PLA2G2E: variants seen among roughly 807,000 people sequenced by gnomAD.
PLA2G2E encodes the protein group IIE secretory phospholipase A2.
Under a neutral mutation model 16.5 loss-of-function variants are expected in PLA2G2E, and 14 were observed. The ratio of observed to expected loss-of-function variants is 0.85; its 90% confidence interval spans 0.56 to 1.33. The LOEUF (loss-of-function observed/expected upper bound fraction) is 1.33. Among genes scored for constraint, PLA2G2E ranks in the 40% most tolerant of loss-of-function variants. The pLI is 0.00. For synonymous variants in PLA2G2E, 72 were observed against 77.2 expected, an observed-to-expected ratio of 0.93 and a Z score of 0.36; for missense variants, 174 against 190.7, an observed-to-expected ratio of 0.91 and a Z score of 0.52.
In PLA2G2E at chr1:19,920,328, G is replaced by A. The variant is rs1006006207; in HGVS notation, c.408C>T (p.Thr136=). The A allele has an allele frequency of 1.2e-5, 19 of 1,612,658 alleles. No homozygotes were observed. The highest frequency in any genetic ancestry group is 4.5e-5 in the East Asian group (2 of 44,886). The part of the protein sequence containing the change: ...KYAHYPNKLC[T]GPTPPC ...AGCCTCAGCAGGGCGGGGTGGGCCC[G>A]GTGCACAGCTTGTTGGGATAATGGG... Residue 136 remains threonine (T), a synonymous_variant, in exon 4 of 4, where the codon ACC becomes ACT. Transcript: ENST00000375116. The surrounding 1 kb of genome is among the most constrained non-coding windows in gnomAD (Gnocchi z 4.3).
chr1:19,922,495 A>G (rs1420390497), intron 2 of PLA2G2E, 91 bp from the exon 3 acceptor site: 9 of 1,545,334 alleles, frequency 5.8e-6, no homozygotes, highest in Admixed American at 3.6e-5. Flanking sequence ...AAAGCAGCCC[A>G]GAGGAGAGAT....
Position 19,920,247 on chromosome 1 carries a change from C to A in PLA2G2E, c.*60G>T. ...CCTTTGGTGCCAATGTTCCCCAGGC[C>A]TGGGACTACAGCAGCCCGAGGCGGG... On this transcript the variant is annotated 3_prime_UTR_variant, in exon 4 of 4. Coordinates refer to ENST00000375116, the MANE Select transcript of PLA2G2E (RefSeq NM_014589.3). This position sits in a 1 kb window ranked among gnomAD's most constrained non-coding sequence, Gnocchi z 4.3. 1 of 1,509,846 alleles carries A rather than the reference C, an allele frequency of 6.6e-7. No individual in the cohort carries two copies. The highest frequency in any genetic ancestry group is 9.1e-7 in the Non-Finnish European group (1 of 1,104,632). 93.5% of individuals were successfully genotyped at this position (1,509,846 alleles called of 1,614,324 possible). A position where few individuals can be genotyped will look rare whatever the true frequency, so the allele number is the denominator to read the frequency against.
intron 3 of PLA2G2E, among the ~76,000 whole-genome samples, chr1:19,921,015 A>C (rs574211081): frequency 5.3e-5 from 8 of 152,196 alleles, no homozygotes; most frequent in Non-Finnish European, 1.0e-4. Context: ...TCAGACTTCT[A>C]CCCTGACCTG....
intron 3 of PLA2G2E, 112 bp downstream of exon 3, chr1:19,922,186 G>C: frequency 1.4e-6 from 1 of 700,888 alleles, no homozygotes; most frequent in Non-Finnish European, 2.5e-6. Context: ...TCCAGCCCAG[G>C]GTCTGGCTCT....
intron 1 of PLA2G2E, 36 bp from the exon 2 acceptor site, chr1:19,922,791 C>T (rs979916079): frequency 6.7e-7 from 1 of 1,499,936 alleles, no homozygotes; most frequent in Non-Finnish European, 9.2e-7. Context: ...GAGGGAGGGC[C>T]CCACCCTCTG....
chr1:19,922,810 T>G, intron 1 of PLA2G2E, 55 bp from the exon 2 acceptor site: 2 of 1,578,124 alleles, frequency 1.3e-6, no homozygotes, highest in Non-Finnish European at 8.7e-7. Context: ...TGCAGCCAAC[T>G]TCCCCTGATG....
In PLA2G2E at chr1:19,920,743, T is replaced by G. The variant is rs529801021; in HGVS notation, c.287-294A>C. Among the ~76,000 whole-genome samples, 5 of 152,192 alleles carry G rather than the reference T, an allele frequency of 3.3e-5. No individual in the cohort carries two copies. The highest frequency in any genetic ancestry group is 2.0e-4 in the Admixed American group (3 of 15,298). ...TAGGGACACCACGTGGTTCCCTAACTCTCACTGCCCCCGACCAGGGGGATT... is the reference window on the plus strand; with the variant it reads ...TAGGGACACCACGTGGTTCCCTAACGCTCACTGCCCCCGACCAGGGGGATT... On this transcript the variant is annotated intron_variant, in intron 3 of 3. Coordinates refer to ENST00000375116, the MANE Select transcript of PLA2G2E (RefSeq NM_014589.3). The surrounding 1 kb of genome is among the most constrained non-coding windows in gnomAD (Gnocchi z 4.3).
At chr1:19,922,111 C>T (rs777826318) in intron 3 of PLA2G2E, among the ~76,000 whole-genome samples, 187 bp downstream of exon 3, 5 of 152,168 alleles carry the variant, frequency 3.3e-5, no homozygotes, top group Non-Finnish European at 5.9e-5. Flanking sequence ...ACGGGCTTCT[C>T]TGGCCTGGGT....
chr1:19,921,755 T>C (rs2045818103), intron 3 of PLA2G2E, among the ~76,000 whole-genome samples: 2 of 152,170 alleles, frequency 1.3e-5, no homozygotes, highest in Admixed American at 1.3e-4. Context: ...CCCTCGACAG[T>C]CTCACTTGGT....
rs527269787 is a variant in PLA2G2E, at chr1:19,920,043, G to A, written c.*264C>T. Reference sequence around the variant, plus strand: ...AACATTATTCACTTATTCAGAAGAGGGAGCTGAGATCCCAGAAGCTAGTGA... The same window carrying A: ...AACATTATTCACTTATTCAGAAGAGAGAGCTGAGATCCCAGAAGCTAGTGA... On this transcript the variant is annotated 3_prime_UTR_variant, in exon 4 of 4. Coordinates refer to ENST00000375116, the MANE Select transcript of PLA2G2E (RefSeq NM_014589.3). This position sits in a 1 kb window ranked among gnomAD's most constrained non-coding sequence, Gnocchi z 4.3. The A allele has an allele frequency of 6.3e-5, 26 of 415,052 alleles. 1 individual carries two copies. The East Asian group carries it at 9.6e-4, about 15-fold the overall frequency. The allele number at this position is 415,052 out of a possible 1,614,324, so 25.7% of individuals were successfully genotyped here.
chr1:19,923,485 G>A, intron 1 of PLA2G2E, 35 bp downstream of exon 1: 5 of 1,536,374 alleles, frequency 3.3e-6, no homozygotes, highest in Non-Finnish European at 4.4e-6. Context: ...GTTGCCAGAT[G>A]GGGCAGAAGG....
chr1:19,922,745 G>A lies in PLA2G2E; in HGVS notation c.51C>T (p.Val17=). The part of the protein sequence containing the change: ...LVFLCLLVAL[V]TGNLVQFGVM... The stretch of plus-strand genomic sequence containing the variant: ...CCCCAAACTGAACCAGGTTCCCGGT[G>A]ACCAGAGCCACTGCAGAGAGGGAGA... Residue 17 remains valine (V), a synonymous_variant, in exon 2 of 4, where the codon GTC becomes GTT. Coordinates refer to ENST00000375116, the MANE Select transcript of PLA2G2E (RefSeq NM_014589.3). The A allele has an allele frequency of 6.2e-7, 1 of 1,613,258 alleles. No homozygotes were observed. Among genetic ancestry groups the A allele is most frequent in the Non-Finnish European group, 8.5e-7 (1 of 1,179,960 alleles).
intron 3 of PLA2G2E, among the ~76,000 whole-genome samples, chr1:19,921,147 T>C (rs2045810984): frequency 6.6e-6 from 1 of 152,214 alleles, no homozygotes; most frequent in Admixed American, 6.5e-5. Context: ...TCCCCATGAC[T>C]GTATCTCACA....
rs1201160493 is a variant in PLA2G2E, at chr1:19,923,519, C to T, written c.40+1G>A. On this transcript the variant is annotated splice_donor_variant, in intron 1 of 3. Transcript: ENST00000375116. LOFTEE classifies it high-confidence loss of function. ...GGCTGAAGGTCACAAAGATCACTTA[C>T]CCAGGAGGCAAAGGAACACCAGCAC... is the stretch of plus-strand genomic sequence containing the variant. The T allele has an allele frequency of 6.5e-7, 1 of 1,548,858 alleles. No homozygotes were observed. Among genetic ancestry groups the T allele is most frequent in the African/African-American group, 1.4e-5 (1 of 73,076 alleles).
intron 1 of PLA2G2E, among the ~76,000 whole-genome samples, chr1:19,923,279 C>A (rs970062698): frequency 1.3e-5 from 2 of 152,186 alleles, no homozygotes; most frequent in Non-Finnish European, 2.9e-5. Context: ...GTGTGCCATC[C>A]GGGAAGCGCC....
Position 19,922,544 on chromosome 1 carries a change from T to TCTCCCAGGATC in PLA2G2E, c.179+62_179+72dup, listed in dbSNP as rs1276898815. ...CCAGGTGCCCCCAGGCTTCCCTCCT[T>TCTCCCAGGATC]CTCCCAGGATCCTCCCAGGATCCCC... On this transcript the variant is annotated intron_variant, in intron 2 of 3. Transcript: ENST00000375116. 1.1e-5 allele frequency: 18 copies of TCTCCCAGGATC among 1,584,616 alleles called. 1 individual carries two copies. Among genetic ancestry groups the TCTCCCAGGATC allele is most frequent in the South Asian group, 6.8e-5 (6 of 88,570 alleles).
At chr1:19,922,788 GGC>G in intron 1 of PLA2G2E, 33 bp from the exon 2 acceptor site, 3 of 1,483,588 alleles carry the variant, frequency 2.0e-6, no homozygotes, top group Non-Finnish European at 2.8e-6. Flanking sequence ...GGAGAGGGAG[GGC>G]CCCACCCTCT....
At chr1:19,922,938 G>A (rs184536207) in intron 1 of PLA2G2E, among the ~76,000 whole-genome samples, 183 bp from the exon 2 acceptor site, 10 of 152,028 alleles carry the variant, frequency 6.6e-5, no homozygotes, top group Non-Finnish European at 1.5e-4. Flanking sequence ...AGTGACATCC[G>A]TTGCACCTTC....
At position 19,920,143 on chromosome 1, in the gene PLA2G2E, G is replaced by T; in HGVS notation, c.*164C>A. 3 of 625,438 alleles carry T rather than the reference G, an allele frequency of 4.8e-6. No homozygotes were observed. The highest frequency in any genetic ancestry group is 8.2e-6 in the Non-Finnish European group (3 of 364,358). The allele number at this position is 625,438 out of a possible 1,614,324, so 38.7% of individuals were successfully genotyped here. A position where few individuals can be genotyped will look rare whatever the true frequency, so the allele number is the denominator to read the frequency against. ...CTACAGAGAAGGGGTAGCCTGGGAG[G>T]CTAGTGATGGTCCAGGACATATCTC... On this transcript the variant is annotated 3_prime_UTR_variant, in exon 4 of 4. Coordinates refer to ENST00000375116, the MANE Select transcript of PLA2G2E (RefSeq NM_014589.3). This position sits in a 1 kb window ranked among gnomAD's most constrained non-coding sequence, Gnocchi z 4.3.
Sources: gnomAD v4.1 joint callset for allele counts (sites outside exome capture counted in the v4.1 genomes callset) on GRCh38, gnomAD v4.1.1 for gene constraint, Gnocchi (gnomAD v3.1) non-coding constraint, MANE v1.5 for transcripts, NCBI Gene and HGNC (gene_info 2026-07-23, HGNC 2026-07-21) for gene names.